The following SOX6 variants were observed in gnomAD, a reference collection of about 807,000 sequenced individuals.
The protein encoded by SOX6 is transcription factor SOX-6.
SOX6 carries 11 observed loss-of-function variants against 97.8 expected under a neutral mutation model. The ratio of observed to expected loss-of-function variants is 0.11; its 90% confidence interval spans 0.07 to 0.19. SOX6 has a LOEUF of 0.19. SOX6 is among the 10% of genes least tolerant of loss of function. SOX6 has a pLI of 1.00. For missense variants in SOX6, 810 were observed against 1,039.5 expected, an observed-to-expected ratio of 0.78 and a Z score of 3.04; for synonymous variants, 360 against 371.4, an observed-to-expected ratio of 0.97 and a Z score of 0.35.
rs577963210 is a variant in SOX6 at position 16,303,992 on chromosome 11, C to A, written c.445+14454G>T. 3.2e-4 allele frequency among the ~76,000 whole-genome samples: 48 copies of A among 152,212 alleles called. 1 individual carries two copies. In the South Asian group the frequency reaches 3.9e-3, roughly 12 times the overall value. On this transcript the variant is annotated intron_variant, in intron 3 of 15. Coordinates refer to ENST00000683767, the MANE Select transcript of SOX6 (RefSeq NM_001367873.1). ...AGTAAAGTGGTGCGATCTCGGCTCA[C>A]TGCAACATCCACCTCTCAGGTTCAA...
rs369376109 is a variant in SOX6 at position 16,282,216 on chromosome 11, T to C, written c.445+36230A>G. Among the ~76,000 whole-genome samples, 35 of 150,996 alleles carry C rather than the reference T, an allele frequency of 2.3e-4. No individual in the cohort carries two copies. In the East Asian group the frequency reaches 5.0e-3, roughly 22 times the overall value. Reference sequence around the variant, plus strand: ...AATGCCTTATATCTGTTCCCTTCCATTGAGGTGAAGAGATGCAATCAAATA... The same window carrying C: ...AATGCCTTATATCTGTTCCCTTCCACTGAGGTGAAGAGATGCAATCAAATA... On this transcript the variant is annotated intron_variant, in intron 3 of 15. Transcript: ENST00000683767.
intron 6 of SOX6, among the ~76,000 whole-genome samples, chr11:16,179,343 C>A (rs932457365): frequency 6.6e-6 from 1 of 151,682 alleles, no homozygotes; most frequent in Admixed American, 6.6e-5. Flanking sequence ...TACAGACTCA[C>A]AAAATATATA....
intron 3 of SOX6, among the ~76,000 whole-genome samples, chr11:16,618,198 AAATT>A (rs763788260): frequency 3.3e-5 from 5 of 151,894 alleles, no homozygotes; most frequent in African/African-American, 7.2e-5. Flanking sequence ...TTGGAGCTCA[AAATT>A]AATTTGTTAT....
At chr11:16,569,335 C>G (rs1848594104) in intron 4 of SOX6, among the ~76,000 whole-genome samples, 1 of 152,190 alleles carries the variant, frequency 6.6e-6, no homozygotes, top group Admixed American at 6.5e-5. Flanking sequence ...ACTCTATTCA[C>G]TGGTGCCCAT....
At chr11:16,005,075 T>C (rs1854507852) in intron 13 of SOX6, among the ~76,000 whole-genome samples, 1 of 151,952 alleles carries the variant, frequency 6.6e-6, no homozygotes, top group South Asian at 2.1e-4. Flanking sequence ...CTTATTCCAG[T>C]ACCAAGAACA....
chr11:16,321,521 T>C (rs184630781), intron 2 of SOX6, among the ~76,000 whole-genome samples: 12 of 152,240 alleles, frequency 7.9e-5, no homozygotes, highest in African/African-American at 2.4e-4. Context: ...CAATCTTATT[T>C]ACGCATTGTT....
chr11:16,300,991 C>T lies in SOX6; in HGVS notation c.445+17455G>A, dbSNP rs955168338. Among the ~76,000 whole-genome samples the T allele has an allele frequency of 6.6e-6, 1 of 152,108 alleles. No individual in the cohort carries two copies. Among genetic ancestry groups the T allele is most frequent in the African/African-American group, 2.4e-5 (1 of 41,420 alleles). ...TTATTACATCTGAAACCACACAATA[C>T]CTTTTCTTTTTTCCCTCATCAACTT... On this transcript the variant is annotated intron_variant, in intron 3 of 15. Transcript: ENST00000683767. This position sits in a 1 kb window ranked among gnomAD's most constrained non-coding sequence, Gnocchi z 4.1.
chr11:16,229,184 A>C, intron 4 of SOX6, among the ~76,000 whole-genome samples: 1 of 152,136 alleles, frequency 6.6e-6, no homozygotes, highest in East Asian at 1.9e-4. Flanking sequence ...GCAGTTAAGA[A>C]TGATATATAA....
At chr11:16,064,686 C>A (rs1848048240) in intron 9 of SOX6, among the ~76,000 whole-genome samples, 2 of 151,698 alleles carry the variant, frequency 1.3e-5, no homozygotes, top group African/African-American at 4.8e-5. Flanking sequence ...TGGGATTTAT[C>A]CCTGGGATGC....
At chr11:16,392,381 G>A (rs1410096053) in intron 1 of SOX6, among the ~76,000 whole-genome samples, 2 of 152,018 alleles carry the variant, frequency 1.3e-5, no homozygotes, top group Non-Finnish European at 2.9e-5. Flanking sequence ...ATGTATTTGT[G>A]TCTTACTTGT....
intron 1 of SOX6, among the ~76,000 whole-genome samples, chr11:16,344,852 C>A (rs745645875): frequency 6.6e-6 from 1 of 151,314 alleles, no homozygotes; most frequent in Non-Finnish European, 1.5e-5. Flanking sequence ...CTAGTTATAC[C>A]CCCTGAAAAC....
At chr11:16,391,158 T>C (rs1910406) in intron 1 of SOX6, among the ~76,000 whole-genome samples, 81,931 of 151,822 alleles carry the variant, frequency 0.54, 22,650 homozygotes, top group Non-Finnish European at 0.61. Context: ...CACATGGACA[T>C]GGGGAGGGGA....
At chr11:16,398,913 T>G (rs1858452883) in intron 1 of SOX6, among the ~76,000 whole-genome samples, 1 of 151,382 alleles carries the variant, frequency 6.6e-6, no homozygotes, top group Non-Finnish European at 1.5e-5. Context: ...ATTGAAATTC[T>G]AATCATTTAT....
intron 4 of SOX6, among the ~76,000 whole-genome samples, chr11:16,187,870 T>C (rs527591341): frequency 7.2e-5 from 11 of 152,256 alleles, no homozygotes; most frequent in African/African-American, 2.6e-4. Context: ...CAACCCACTG[T>C]ATCTGAACCA....
At chr11:16,068,065 G>T (rs890750580) in intron 9 of SOX6, among the ~76,000 whole-genome samples, 1 of 152,168 alleles carries the variant, frequency 6.6e-6, no homozygotes, top group Non-Finnish European at 1.5e-5. Context: ...CATCATTCAA[G>T]GGGACAATAG....
At chr11:16,227,648 T>C (rs1206400314) in intron 4 of SOX6, among the ~76,000 whole-genome samples, 2 of 152,112 alleles carry the variant, frequency 1.3e-5, no homozygotes, top group African/African-American at 4.8e-5. Context: ...ACTAATGCAG[T>C]CCAATCTTAT....
At chr11:16,720,856 T>C (rs996946951) in intron 2 of SOX6, among the ~76,000 whole-genome samples, 2 of 152,060 alleles carry the variant, frequency 1.3e-5, no homozygotes, top group Admixed American at 6.6e-5. Flanking sequence ...AAACAAAATA[T>C]GATCAACTTT....
chr11:16,387,212 G>A (rs1453211936), intron 1 of SOX6, among the ~76,000 whole-genome samples: 1 of 152,260 alleles, frequency 6.6e-6, no homozygotes, highest in South Asian at 2.1e-4. Context: ...TGATTGAAGT[G>A]TAACCTAAGC....
chr11:16,056,211 A>C (rs1010315588), intron 9 of SOX6, among the ~76,000 whole-genome samples: 16 of 152,176 alleles, frequency 1.1e-4, no homozygotes, highest in Admixed American at 2.0e-4. Context: ...GTAGCCTCTA[A>C]GATGCTTTTT....
Sources: allele counts gnomAD v4.1 joint callset (sites outside exome capture counted in the v4.1 genomes callset), GRCh38; gene constraint gnomAD v4.1.1; non-coding constraint Gnocchi (gnomAD v3.1); transcripts MANE v1.5; gene names NCBI Gene and HGNC (gene_info 2026-07-23, HGNC 2026-07-21).